Variants in PPP1CB observed in about 807,000 individuals in gnomAD.
PPP1CB encodes the protein protein phosphatase 1 catalytic subunit beta, also known as serine/threonine-protein phosphatase PP1-beta catalytic subunit.
Under a neutral mutation model 43.7 loss-of-function variants are expected in PPP1CB, and 2 were observed. The observed-to-expected ratio is 0.05, with a 90% CI of 0.02 to 0.14. The LOEUF is 0.14. Among genes scored for constraint, PPP1CB ranks in the 10% least tolerant of loss-of-function variants. The pLI is 1.00. For synonymous variants in PPP1CB, 136 were observed against 135.6 expected, an observed-to-expected ratio of 1.00 and a Z score of -0.02; for missense variants, 84 against 398.0, an observed-to-expected ratio of 0.21 and a Z score of 6.71.
At chr2:28,794,292 G>C (rs777531844) in intron 7 of PPP1CB, among the ~76,000 whole-genome samples, 1 of 152,204 alleles carries the variant, frequency 6.6e-6, no homozygotes, top group East Asian at 1.9e-4. Flanking sequence ...CTTACTAAAA[G>C]AATGTGAATG....
intron 1 of PPP1CB, among the ~76,000 whole-genome samples, chr2:28,773,392 A>G (rs191861112): frequency 3.0e-4 from 46 of 152,234 alleles, no homozygotes; most frequent in Admixed American, 2.6e-3. Flanking sequence ...TCTCACTCCT[A>G]TCAGTCTTAT....
At position 28,800,226 on chromosome 2, in the gene PPP1CB, C is replaced by G. The variant is rs201829322; in HGVS notation, c.*923C>G. On this transcript the variant is annotated 3_prime_UTR_variant, in exon 8 of 8. Coordinates refer to ENST00000395366, the MANE Select transcript of PPP1CB (RefSeq NM_002709.3). ...TTGGTTTTCTTTTTCTTTTTTCTTTCTTTTTTTTTTTTTTTTTTTTTTTGA... is the reference window on the plus strand; with the variant it reads ...TTGGTTTTCTTTTTCTTTTTTCTTTGTTTTTTTTTTTTTTTTTTTTTTTGA... 1 of 65,628 alleles carries G rather than the reference C, an allele frequency of 1.5e-5. No individual in the cohort carries two copies. The highest frequency in any genetic ancestry group is 2.7e-5 in the Non-Finnish European group (1 of 36,888). 4.1% of individuals were successfully genotyped at this position (65,628 alleles called of 1,614,324 possible).
chr2:28,765,482 T>TATGGAAA (rs1403275476), intron 1 of PPP1CB, among the ~76,000 whole-genome samples: 3 of 152,330 alleles, frequency 2.0e-5, no homozygotes, highest in Non-Finnish European at 4.4e-5. Context: ...GTTAAATGGA[T>TATGGAAA]TTTGATATAT....
At chr2:28,795,598 G>A (rs1416971870) in intron 7 of PPP1CB, among the ~76,000 whole-genome samples, 6 of 152,076 alleles carry the variant, frequency 3.9e-5, no homozygotes, top group East Asian at 1.9e-4. Context: ...TTGGCTGCAC[G>A]TTTGTTTTTT....
At chr2:28,774,508 C>T (rs1666988718) in intron 1 of PPP1CB, among the ~76,000 whole-genome samples, 2 of 152,136 alleles carry the variant, frequency 1.3e-5, no homozygotes, top group African/African-American at 4.8e-5. Context: ...TCACTGCAAC[C>T]TCCACCTCCT....
At chr2:28,761,854 A>T (rs1418961896) in intron 1 of PPP1CB, among the ~76,000 whole-genome samples, 1 of 152,230 alleles carries the variant, frequency 6.6e-6, no homozygotes, top group African/African-American at 2.4e-5. Flanking sequence ...ACTATAGGGC[A>T]GTGTATCTTA....
At chr2:28,798,613 T>C (rs1386145795) in intron 7 of PPP1CB, among the ~76,000 whole-genome samples, 1 of 147,528 alleles carries the variant, frequency 6.8e-6, no homozygotes, top group Non-Finnish European at 1.5e-5. Context: ...ATGCCAGTTA[T>C]ATGAAATGTT....
At chr2:28,762,594 A>G (rs1277366999) in intron 1 of PPP1CB, among the ~76,000 whole-genome samples, 1 of 152,238 alleles carries the variant, frequency 6.6e-6, no homozygotes. Flanking sequence ...ACCAAAAATC[A>G]GCAAGTGGTG....
chr2:28,762,284 CTAAA>C (rs35438907), intron 1 of PPP1CB, among the ~76,000 whole-genome samples: 62,614 of 151,530 alleles, frequency 0.41, 13,817 homozygotes, highest in Middle Eastern at 0.52. Context: ...GACTGTGTCT[CTAAA>C]TAAATAAATA....
intron 6 of PPP1CB, 142 bp downstream of exon 6, chr2:28,788,951 G>C (rs1046031546): frequency 1.2e-6 from 1 of 829,136 alleles, no homozygotes; most frequent in Non-Finnish European, 1.8e-6. Context: ...TGTGCCTCCC[G>C]GGTTCAGGCA....
intron 6 of PPP1CB, among the ~76,000 whole-genome samples, chr2:28,791,542 C>T (rs1260872728): frequency 6.6e-6 from 1 of 152,104 alleles, no homozygotes; most frequent in African/African-American, 2.4e-5. Flanking sequence ...GTTGGCCTGG[C>T]TGGTCTCGAA....
intron 1 of PPP1CB, among the ~76,000 whole-genome samples, chr2:28,756,043 C>G (rs761559659): frequency 1.6e-4 from 25 of 152,258 alleles, no homozygotes; most frequent in Admixed American, 3.3e-4. Context: ...TTGTAAAATT[C>G]ACATGCTTTA....
At chr2:28,766,236 C>T (rs1332610311) in intron 1 of PPP1CB, among the ~76,000 whole-genome samples, 1 of 152,184 alleles carries the variant, frequency 6.6e-6, no homozygotes, top group Non-Finnish European at 1.5e-5. Context: ...AAAGCTGTCA[C>T]TGCTAAGCCA....
rs1272179205 is a variant in PPP1CB, at chr2:28,800,561, A to T, written c.*1258A>T. Reference sequence around the variant, plus strand: ...ATAGTAGCAATAATTTCTGTACCTGATCAAGTTTATTGCAGCCTTTCTTTT... The same window carrying T: ...ATAGTAGCAATAATTTCTGTACCTGTTCAAGTTTATTGCAGCCTTTCTTTT... On this transcript the variant is annotated 3_prime_UTR_variant, in exon 8 of 8. Transcript: ENST00000395366. The T allele has an allele frequency of 6.6e-6, 1 of 152,472 alleles. No homozygotes were observed. Among genetic ancestry groups the T allele is most frequent in the Admixed American group, 6.5e-5 (1 of 15,270 alleles). 9.4% of individuals were successfully genotyped at this position (152,472 alleles called of 1,614,324 possible). A position where few individuals can be genotyped will look rare whatever the true frequency, so the allele number is the denominator to read the frequency against.
intron 1 of PPP1CB, among the ~76,000 whole-genome samples, chr2:28,758,999 G>A (rs1666554739): frequency 6.6e-6 from 1 of 152,192 alleles, no homozygotes; most frequent in Non-Finnish European, 1.5e-5. Flanking sequence ...CAGTTGCAAG[G>A]TGACCAAAAC....
intron 5 of PPP1CB, among the ~76,000 whole-genome samples, chr2:28,784,402 C>T (rs142035885): frequency 4.3e-4 from 65 of 152,032 alleles, no homozygotes; most frequent in African/African-American, 1.5e-3. Context: ...TTGTTATTTT[C>T]TATGTCCTCT....
chr2:28,769,077 A>T (rs1666843982), intron 1 of PPP1CB, among the ~76,000 whole-genome samples: 1 of 152,232 alleles, frequency 6.6e-6, no homozygotes, highest in Non-Finnish European at 1.5e-5. Flanking sequence ...AATCCAAGAG[A>T]AAGAGAAAAT....
At chr2:28,780,147 G>T (rs1001203948) in intron 3 of PPP1CB, among the ~76,000 whole-genome samples, 4 of 136,428 alleles carry the variant, frequency 2.9e-5, no homozygotes, top group Non-Finnish European at 6.1e-5. Context: ...GGAGTGCAAT[G>T]GCACGATCTC....
chr2:28,761,653 T>C (rs1666656974), intron 1 of PPP1CB, among the ~76,000 whole-genome samples: 1 of 152,250 alleles, frequency 6.6e-6, no homozygotes, highest in Non-Finnish European at 1.5e-5. Flanking sequence ...TCCTCCACTT[T>C]CTGTTTATTG....
Sources: allele counts gnomAD v4.1 joint callset (sites outside exome capture counted in the v4.1 genomes callset), GRCh38; gene constraint gnomAD v4.1.1; transcripts MANE v1.5; gene names NCBI Gene and HGNC (gene_info 2026-07-23, HGNC 2026-07-21).